The following EPHA2 variants were observed in gnomAD, a reference collection of about 807,000 sequenced individuals.
EPHA2 encodes the protein EPH receptor A2, also known as ephrin type-A receptor 2.
Under a neutral mutation model 104.9 loss-of-function variants are expected in EPHA2, and 54 were observed. The ratio of observed to expected loss-of-function variants is 0.51; its 90% CI spans 0.41 to 0.65. The LOEUF (loss-of-function observed/expected upper bound fraction) is 0.65, where lower values mean the gene tolerates loss of function less well. Among genes scored for constraint, EPHA2 ranks in the 30% least tolerant of loss-of-function variants. EPHA2 has a pLI of 0.00. For synonymous variants in EPHA2, 560 were observed against 559.1 expected (o/e 1.00, Z -0.02); for missense variants, 1,117 against 1,369.5 (o/e 0.82, Z 2.91).
Position 16,134,552 on chromosome 1 carries a change from C to T in EPHA2, c.1598G>A (p.Gly533Asp), listed in dbSNP as rs1476737393. The T allele has an allele frequency of 6.2e-7, 1 of 1,614,072 alleles. No homozygotes were observed. Among genetic ancestry groups the T allele is most frequent in the Admixed American group, 1.7e-5 (1 of 60,020 alleles). Residue 533 changes from glycine to aspartate, a missense_variant, in exon 8 of 17, where the codon GGC becomes GAC. Physicochemically the swap from Gly to Asp is moderately conservative, Grantham distance 94. Around this residue, in one of 3 missense-constraint regions of EPHA2, gnomAD observed 664 missense variants for 784.8 expected, o/e 0.85. Transcript: ENST00000358432. This position sits in a 1 kb window ranked among gnomAD's most constrained non-coding sequence, Gnocchi z 4.5. ...EFQTLSPEGS[G>D]NLAVIGGVAV... ...CACGCCGCCAATCACCGCCAAGTTG[C>T]CAGATCCCTCCGGGGCTGGTGGAAG...
At chr1:16,144,941 C>G (rs2024899422) in intron 3 of EPHA2, among the ~76,000 whole-genome samples, 1 of 152,226 alleles carries the variant, frequency 6.6e-6, no homozygotes, top group Non-Finnish European at 1.5e-5. Flanking sequence ...CAGCATGGTG[C>G]CTGGAATGCG....
At chr1:16,142,984 A>ATGGATGG (rs1553136529) in intron 3 of EPHA2, among the ~76,000 whole-genome samples, 8 of 74,014 alleles carry the variant, frequency 1.1e-4, no homozygotes, top group African/African-American at 4.0e-4. Flanking sequence ...TGGAGGGATG[A>ATGGATGG]ATGGATGGAT....
intron 3 of EPHA2, among the ~76,000 whole-genome samples, chr1:16,143,761 A>C (rs1018288628): frequency 6.6e-6 from 1 of 152,180 alleles, no homozygotes; most frequent in African/African-American, 2.4e-5. Context: ...AGGTGACCGC[A>C]GGAACCACCT....
At position 16,135,835 on chromosome 1, in the gene EPHA2, G is replaced by A; in HGVS notation, c.1313-65C>T. 2 of 772,872 alleles carry A rather than the reference G, an allele frequency of 2.6e-6. No homozygotes were observed. Among genetic ancestry groups the A allele is most frequent in the Non-Finnish European group, 2.3e-6 (1 of 428,726 alleles). The allele number at this position is 772,872 out of a possible 1,614,324, so 47.9% of individuals were successfully genotyped here. ...GCCTACGAGCAGGCAGGGTTTGGGGGGACAAGTGGACGTGGAGCCACATCC... is the reference window on the plus strand; with the variant it reads ...GCCTACGAGCAGGCAGGGTTTGGGGAGACAAGTGGACGTGGAGCCACATCC... On this transcript the variant is annotated intron_variant, in intron 5 of 16. Coordinates refer to ENST00000358432, the MANE Select transcript of EPHA2 (RefSeq NM_004431.5). This position sits in a 1 kb window ranked among gnomAD's most constrained non-coding sequence, Gnocchi z 4.3.
At chr1:16,127,399 A>G (rs907524488) in intron 16 of EPHA2, among the ~76,000 whole-genome samples, 2 of 152,156 alleles carry the variant, frequency 1.3e-5, no homozygotes, top group Non-Finnish European at 2.9e-5. Flanking sequence ...CCACTAGTCT[A>G]GCTAGAAACC....
rs1454825930 is a variant in EPHA2 at position 16,131,956 on chromosome 1, A to G, written c.2326-86T>C. 23 of 1,600,994 alleles carry G rather than the reference A, an allele frequency of 1.4e-5. No homozygotes were observed. Among genetic ancestry groups the G allele is most frequent in the Non-Finnish European group, 1.9e-5 (22 of 1,172,968 alleles). Reference sequence around the variant, plus strand: ...GCCAAGCCCCACGACCCCTCCCTGGACTCCTACAGGTGTTCTGCCTCCTGA... The same window carrying G: ...GCCAAGCCCCACGACCCCTCCCTGGGCTCCTACAGGTGTTCTGCCTCCTGA... On this transcript the variant is annotated intron_variant, in intron 13 of 16. Coordinates refer to ENST00000358432, the MANE Select transcript of EPHA2 (RefSeq NM_004431.5). The surrounding 1 kb of genome is among the most constrained non-coding windows in gnomAD (Gnocchi z 5.2).
At chr1:16,155,526 A>G (rs1207194360) in intron 1 of EPHA2, 13 of 334,070 alleles carry the variant, frequency 3.9e-5, no homozygotes, top group African/African-American at 2.4e-4. Context: ...CCCCTTCTCT[A>G]GGGGACTCCC....
chr1:16,133,622 G>GT lies in EPHA2; in HGVS notation c.1739-17dup. On this transcript the variant is annotated splice_polypyrimidine_tract_variant and intron_variant, in intron 9 of 16. Transcript: ENST00000358432. ...TTCAGTTGTTCTGGAAGGAGAAGGG[G>GT]TGGGGTCACAGGCAGCTCAGGAGGG... 2 of 1,613,658 alleles carry GT rather than the reference G, an allele frequency of 1.2e-6. No homozygotes were observed. The highest frequency in any genetic ancestry group is 1.7e-6 in the Non-Finnish European group (2 of 1,179,930).
In EPHA2 at chr1:16,128,735, G is replaced by C. The variant is rs1358749725; in HGVS notation, c.2825+699C>G. Among the ~76,000 whole-genome samples, 1 of 152,196 alleles carries C rather than the reference G, an allele frequency of 6.6e-6. No individual in the cohort carries two copies. The highest frequency in any genetic ancestry group is 6.5e-5 in the Admixed American group (1 of 15,284). On this transcript the variant is annotated intron_variant, in intron 16 of 16. Coordinates refer to ENST00000358432, the MANE Select transcript of EPHA2 (RefSeq NM_004431.5). The surrounding 1 kb of genome is among the most constrained non-coding windows in gnomAD (Gnocchi z 4.7). ...TTGGGAAGGGGAGAAGAGCTGCCAA[G>C]GGGCAGCTTGACAAAGGGGCAAACC...
At position 16,130,295 on chromosome 1, in the gene EPHA2, A is replaced by G. The variant is rs2024548533; in HGVS notation, c.2600T>C (p.Ile867Thr). 6.2e-7 allele frequency: 1 copy of G among 1,612,570 alleles called. No homozygotes were observed. Among genetic ancestry groups the G allele is most frequent in the South Asian group, 1.1e-5 (1 of 90,912 alleles). ...AATGAGCTTGTCCAGGATGCTGACG[A>G]TGTCAGCGAACTTGGGGCGGCGGGC... ...ERARRPKFAD[I>T]VSILDKLIRA... Residue 867 changes from isoleucine (I) to threonine (T), a missense_variant, in exon 15 of 17, where the codon ATC becomes ACC. Around this residue, in one of 3 missense-constraint regions of EPHA2, gnomAD observed 340 missense variants for 480.5 expected, o/e 0.71. Coordinates refer to ENST00000358432, the MANE Select transcript of EPHA2 (RefSeq NM_004431.5). The surrounding 1 kb of genome is among the most constrained non-coding windows in gnomAD (Gnocchi z 4.5).
rs370856741 is a variant in EPHA2, at chr1:16,138,052, G to C, written c.1113C>G (p.Pro371=). The change falls in exon 5 of 17, where the codon CCC becomes CCG. Residue 371 remains proline, a synonymous_variant. Coordinates refer to ENST00000358432, the MANE Select transcript of EPHA2 (RefSeq NM_004431.5). ...VYSVTCEQCW[P]ESGECGPCEA... is the part of the protein sequence containing the mutation. ...CACACGGCCCGCATTCCCCAGACTC[G>C]GGCCAGCACTGTTCGCAGGTGACGC... is the stretch of plus-strand genomic sequence containing the variant. The C allele has an allele frequency of 6.2e-7, 1 of 1,613,130 alleles. No individual in the cohort carries two copies. Among genetic ancestry groups the C allele is most frequent in the Non-Finnish European group, 8.5e-7 (1 of 1,179,944 alleles).
chr1:16,138,976 C>T (rs902305450), intron 3 of EPHA2, among the ~76,000 whole-genome samples: 42 of 152,238 alleles, frequency 2.8e-4, no homozygotes, highest in African/African-American at 1.0e-3. Flanking sequence ...TTACCTCCAG[C>T]CCAGGACCTG....
intron 3 of EPHA2, among the ~76,000 whole-genome samples, chr1:16,145,749 G>A (rs1400028996): frequency 1.3e-5 from 2 of 152,192 alleles, no homozygotes; most frequent in African/African-American, 4.8e-5. Context: ...AGCTGAGTCA[G>A]GGATTCCAAA....
rs1025779932 is a variant in EPHA2, at chr1:16,130,905, C to T, written c.2476-486G>A. Among the ~76,000 whole-genome samples, 4 of 152,174 alleles carry T rather than the reference C, an allele frequency of 2.6e-5. No individual in the cohort carries two copies. Among genetic ancestry groups the T allele is most frequent in the East Asian group, 1.9e-4 (1 of 5,186 alleles). On this transcript the variant is annotated intron_variant, in intron 14 of 16. Coordinates refer to ENST00000358432, the MANE Select transcript of EPHA2 (RefSeq NM_004431.5). This position sits in a 1 kb window ranked among gnomAD's most constrained non-coding sequence, Gnocchi z 4.5. Reference sequence around the variant, plus strand: ...TCAGCCTCCCAAAGTGCTAGGATTACAGGCATGCGCCATTGCTCCCAGCTA... The same window carrying T: ...TCAGCCTCCCAAAGTGCTAGGATTATAGGCATGCGCCATTGCTCCCAGCTA...
rs943489690 is a variant in EPHA2, at chr1:16,135,789, G to A, written c.1313-19C>T. The stretch of plus-strand genomic sequence containing the variant: ...GGGGGCTCTGGGCAGGACAGGCAGT[G>A]GGGGAAGTGGGTAAGAAGCTGCCTA... On this transcript the variant is annotated intron_variant, in intron 5 of 16. Transcript: ENST00000358432. The surrounding 1 kb of genome is among the most constrained non-coding windows in gnomAD (Gnocchi z 4.3). 4.3e-6 allele frequency: 6 copies of A among 1,390,758 alleles called. No homozygotes were observed. The highest frequency in any genetic ancestry group is 4.2e-5 in the African/African-American group (3 of 70,900). The allele number at this position is 1,390,758 out of a possible 1,614,324, so 86.2% of individuals were successfully genotyped here.
At chr1:16,127,829 C>CAA (rs1040471189) in intron 16 of EPHA2, among the ~76,000 whole-genome samples, 43 of 152,214 alleles carry the variant, frequency 2.8e-4, no homozygotes, top group Admixed American at 5.2e-4. Context: ...CGCACACACA[C>CAA]ACAGCCTCCA....
At position 16,138,346 on chromosome 1, in the gene EPHA2, C is replaced by A. The variant is rs1290803425; in HGVS notation, c.908G>T (p.Gly303Val). ...TTCCTCACACTCGCAGGAGGTGGCA[C>A]CCTCAGGGGATGGCAGCGTGTGCTC... ...CPEHTLPSPEGATSCECEEGF... is the reference protein window; with the variant it reads ...CPEHTLPSPEVATSCECEEGF... The change falls in exon 4 of 17, where the codon GGT becomes GTT. Residue 303 changes from glycine (G) to valine (V), a missense_variant. By Grantham distance (109) the Gly-to-Val change is moderately radical. Around this residue, in one of 3 missense-constraint regions of EPHA2, gnomAD observed 664 missense variants for 784.8 expected, o/e 0.85. Transcript: ENST00000358432. 2 of 1,613,744 alleles carry A rather than the reference C, an allele frequency of 1.2e-6. No individual in the cohort carries two copies. The highest frequency in any genetic ancestry group is 1.7e-6 in the Non-Finnish European group (2 of 1,179,994).
chr1:16,153,722 G>A (rs144220521), intron 1 of EPHA2, among the ~76,000 whole-genome samples: 29 of 152,260 alleles, frequency 1.9e-4, no homozygotes, highest in African/African-American at 7.0e-4. Flanking sequence ...CAGGAGCCAC[G>A]TGGGCAACCA....
intron 5 of EPHA2, 25 bp downstream of exon 5, chr1:16,137,828 C>T (rs955495828): frequency 6.8e-6 from 11 of 1,612,986 alleles, no homozygotes; most frequent in Non-Finnish European, 9.3e-6. Context: ...CCCCATAGGG[C>T]ACAGCTGCCA....
Sources: allele counts gnomAD v4.1 joint callset (sites outside exome capture counted in the v4.1 genomes callset), GRCh38; gene constraint gnomAD v4.1.1; regional missense constraint gnomAD v4.1.1; non-coding constraint Gnocchi (gnomAD v3.1); transcripts MANE v1.5; gene names NCBI Gene and HGNC (gene_info 2026-07-23, HGNC 2026-07-21).